Variants in PHIP observed in about 807,000 individuals in gnomAD.
The protein encoded by PHIP is PH-interacting protein.
A neutral mutation model predicts 236.8 loss-of-function variants in PHIP; 54 were observed. That is an observed-to-expected ratio of 0.23 (90% CI 0.18 to 0.29). PHIP has a LOEUF of 0.29. PHIP is among the 10% of genes least tolerant of loss of function. The pLI is 1.00. For missense variants in PHIP, 1,370 were observed against 2,190.8 expected, an observed-to-expected ratio of 0.63 and a Z score of 7.48; for synonymous variants, 756 against 718.9, an observed-to-expected ratio of 1.05 and a Z score of -0.83.
Position 78,974,107 on chromosome 6 carries a change from A to G in PHIP, c.2890-3219T>C, listed in dbSNP as rs534428774. Among the ~76,000 whole-genome samples the G allele has an allele frequency of 6.0e-4, 91 of 152,162 alleles. 1 individual carries two copies. The South Asian group carries it at 7.7e-3, about 13-fold the overall frequency. ...AGCACCACACCACACCTATTCCAAA[A>G]TTGACCACATACTTGGAAGTAAAGC... is the stretch of plus-strand genomic sequence containing the variant. On this transcript the variant is annotated intron_variant, in intron 24 of 39. Transcript: ENST00000275034.
Position 78,934,685 on chromosome 6 carries a change from A to G in PHIP, c.*6008T>C, listed in dbSNP as rs1562104616. 6.6e-6 allele frequency among the ~76,000 whole-genome samples: 1 copy of G among 152,222 alleles called. No individual in the cohort carries two copies. Among genetic ancestry groups the G allele is most frequent in the Non-Finnish European group, 1.5e-5 (1 of 68,032 alleles). ...CAGAGGACAGTATACAAATGAGATT[A>G]TCACCACTGGCTATTTGAACAGAAT... On this transcript the variant is annotated 3_prime_UTR_variant, in exon 40 of 40. Transcript: ENST00000275034.
At chr6:78,980,027 A>T (rs562958369) in intron 23 of PHIP, among the ~76,000 whole-genome samples, 1 of 152,034 alleles carries the variant, frequency 6.6e-6, no homozygotes, top group Non-Finnish European at 1.5e-5. Context: ...AATTTACTGT[A>T]CGTGAGATGG....
intron 6 of PHIP, among the ~76,000 whole-genome samples, chr6:79,053,301 G>A (rs568565512): frequency 7.2e-5 from 11 of 152,250 alleles, no homozygotes; most frequent in Admixed American, 3.3e-4. Context: ...GCAACAGAGC[G>A]AGACTCAATC....
At chr6:79,026,416 A>G (rs750728126) in intron 7 of PHIP, among the ~76,000 whole-genome samples, 5 of 152,070 alleles carry the variant, frequency 3.3e-5, no homozygotes, top group African/African-American at 4.8e-5. Context: ...CCTATCTACT[A>G]TCAAAGTACC....
At chr6:78,980,683 T>G (rs766178298) in intron 23 of PHIP, among the ~76,000 whole-genome samples, 3 of 152,072 alleles carry the variant, frequency 2.0e-5, no homozygotes, top group Non-Finnish European at 4.4e-5. Context: ...CATTATGTTA[T>G]GCACTGAGTA....
In PHIP at chr6:78,939,483, TTAAACTA is replaced by T. The variant is rs2127676049; in HGVS notation, c.*1203_*1209del. The T allele has an allele frequency of 6.6e-6, 1 of 151,988 alleles. No individual in the cohort carries two copies. The highest frequency in any genetic ancestry group is 1.5e-5 in the Non-Finnish European group (1 of 67,778). 9.4% of individuals were successfully genotyped at this position (151,988 alleles called of 1,614,324 possible). Reference sequence around the variant, plus strand: ...AAAATAACCAATTTCCCCCTTAAAATTAAACTATAAAGTATGACATTTTAAAATTATT... The same window carrying T: ...AAAATAACCAATTTCCCCCTTAAAATTAAAGTATGACATTTTAAAATTATT... On this transcript the variant is annotated 3_prime_UTR_variant, in exon 40 of 40. Coordinates refer to ENST00000275034, the MANE Select transcript of PHIP (RefSeq NM_017934.7).
At chr6:78,945,652 G>A (rs541083538) in intron 38 of PHIP, 155 bp from the exon 39 acceptor site, 28 of 636,928 alleles carry the variant, frequency 4.4e-5, no homozygotes, top group African/African-American at 1.3e-4. Flanking sequence ...GGAAAAAGGC[G>A]TATCCAACTA....
At chr6:79,058,978 C>T (rs1773213429) in intron 6 of PHIP, among the ~76,000 whole-genome samples, 1 of 151,998 alleles carries the variant, frequency 6.6e-6, no homozygotes, top group South Asian at 2.1e-4. Context: ...CAAATATACC[C>T]TCGTCTCTCA....
In PHIP at chr6:78,971,833, C is replaced by A. The variant is rs550746982; in HGVS notation, c.2890-945G>T. Among the ~76,000 whole-genome samples, 548 of 152,282 alleles carry A rather than the reference C, an allele frequency of 3.6e-3. 4 individuals carry two copies. The highest frequency in any genetic ancestry group is 5.7e-3 in the Non-Finnish European group (388 of 68,032). On this transcript the variant is annotated intron_variant, in intron 24 of 39. Transcript: ENST00000275034. Reference sequence around the variant, plus strand: ...GCGCTTTTCCAATGGGCTTAAAAAACGGCGCACCACGAAATTATATCCCGC... The same window carrying A: ...GCGCTTTTCCAATGGGCTTAAAAAAAGGCGCACCACGAAATTATATCCCGC...
intron 24 of PHIP, among the ~76,000 whole-genome samples, chr6:78,971,536 G>A (rs763995934): frequency 6.8e-4 from 104 of 152,300 alleles, no homozygotes; most frequent in African/African-American, 9.4e-4. Context: ...CAAGATGGCC[G>A]AATAGGAACA....
At chr6:78,992,421 A>G (rs1364419968) in intron 19 of PHIP, among the ~76,000 whole-genome samples, 1 of 151,750 alleles carries the variant, frequency 6.6e-6, no homozygotes. Context: ...ATTAGTTTCT[A>G]TTAGTTTGTG....
intron 27 of PHIP, among the ~76,000 whole-genome samples, chr6:78,969,054 T>C (rs539678735): frequency 2.6e-5 from 4 of 152,230 alleles, no homozygotes; most frequent in African/African-American, 9.6e-5. Flanking sequence ...ACTCCCTTAT[T>C]TGATGAAACA....
At chr6:78,960,314 A>G (rs1039777300) in intron 31 of PHIP, among the ~76,000 whole-genome samples, 1 of 152,186 alleles carries the variant, frequency 6.6e-6, no homozygotes, top group African/African-American at 2.4e-5. Context: ...CAGTCCAACA[A>G]TTAGTGTATG....
At position 78,954,806 on chromosome 6, in the gene PHIP, A is replaced by T. The variant is rs767431137; in HGVS notation, c.4053+8T>A. 7.7e-6 allele frequency: 12 copies of T among 1,562,386 alleles called. No homozygotes were observed. Among genetic ancestry groups the T allele is most frequent in the Middle Eastern group, 1.7e-4 (1 of 5,956 alleles). ...ACAGGTAAAGAAAATATTTTCAAAA[A>T]TACTTACTGGATATTCAAGGAGATC... On this transcript the variant is annotated splice_region_variant and intron_variant, in intron 35 of 39. Coordinates refer to ENST00000275034, the MANE Select transcript of PHIP (RefSeq NM_017934.7).
In PHIP at chr6:78,935,541, G is replaced by T. The variant is rs1476773216; in HGVS notation, c.*5152C>A. On this transcript the variant is annotated 3_prime_UTR_variant, in exon 40 of 40. Coordinates refer to ENST00000275034, the MANE Select transcript of PHIP (RefSeq NM_017934.7). Reference sequence around the variant, plus strand: ...CTTACGAAAGTATCTGAATAGTGAAGTATTTATCACTCATCACAGTAACTT... The same window carrying T: ...CTTACGAAAGTATCTGAATAGTGAATTATTTATCACTCATCACAGTAACTT... The T allele has an allele frequency of 1.0e-6, 1 of 966,916 alleles. No individual in the cohort carries two copies. The highest frequency in any genetic ancestry group is 1.2e-6 in the Non-Finnish European group (1 of 813,190). The allele number at this position is 966,916 out of a possible 1,614,324, so 59.9% of individuals were successfully genotyped here. A position where few individuals can be genotyped will look rare whatever the true frequency, so the allele number is the denominator to read the frequency against.
chr6:78,968,203 C>T (rs1393818300), intron 27 of PHIP, among the ~76,000 whole-genome samples: 8 of 152,126 alleles, frequency 5.3e-5, no homozygotes, highest in Non-Finnish European at 1.2e-4. Context: ...ATCAGATGTA[C>T]CAAAGGCTGA....
intron 7 of PHIP, among the ~76,000 whole-genome samples, chr6:79,037,611 G>GCAAATCCTTCTCCAA (rs1461543130): frequency 1.3e-5 from 2 of 152,108 alleles, no homozygotes; most frequent in African/African-American, 2.4e-5. Context: ...TGGAGAAGGG[G>GCAAATCCTTCTCCAA]ATCCCAGGCA....
At chr6:78,980,801 T>C (rs969128411) in intron 23 of PHIP, among the ~76,000 whole-genome samples, 8 of 152,036 alleles carry the variant, frequency 5.3e-5, no homozygotes, top group Non-Finnish European at 1.2e-4. Context: ...AAAGGTTTCC[T>C]TTGACTAATA....
In PHIP at chr6:78,966,456, A is replaced by C. The variant is rs1342010176; in HGVS notation, c.3206-400T>G. Among the ~76,000 whole-genome samples the C allele has an allele frequency of 2.6e-5, 4 of 152,178 alleles. No individual in the cohort carries two copies. The East Asian group carries it at 5.8e-4, about 22-fold the overall frequency. ...TTTAATTTCTTACTTTCTGTAAGCA[A>C]GTTTCCCCAACCAACAATCAATCAA... On this transcript the variant is annotated intron_variant, in intron 27 of 39. Coordinates refer to ENST00000275034, the MANE Select transcript of PHIP (RefSeq NM_017934.7).
Sources: gnomAD v4.1 joint callset for allele counts (sites outside exome capture counted in the v4.1 genomes callset) on GRCh38, gnomAD v4.1.1 for gene constraint, MANE v1.5 for transcripts, NCBI Gene and HGNC (gene_info 2026-07-23, HGNC 2026-07-21) for gene names.